TENM3: variants seen among roughly 807,000 people sequenced by gnomAD.
TENM3 encodes teneurin-3.
TENM3 carries 63 observed loss-of-function variants against 255.1 expected under a neutral mutation model. That is an observed-to-expected ratio of 0.25 (90% CI 0.20 to 0.30). The LOEUF (loss-of-function observed/expected upper bound fraction) is 0.30, where lower values mean the gene tolerates loss of function less well. TENM3 is among the 10% of genes least tolerant of loss of function. The probability of loss-of-function intolerance (pLI) is 1.00; values close to 1 mark genes in which losing one functional copy is unlikely to be tolerated. For synonymous variants in TENM3, 1,306 were observed against 1,322.3 expected (o/e 0.99, Z 0.27); for missense variants, 2,929 against 3,461.1 (o/e 0.85, Z 3.86).
At chr4:182,312,665 G>A (rs572218294) in intron 1 of TENM3, among the ~76,000 whole-genome samples, 11 of 152,334 alleles carry the variant, frequency 7.2e-5, no homozygotes, top group African/African-American at 1.7e-4. Flanking sequence ...ATGCCGAAGC[G>A]CAGGTGAAAA....
At chr4:182,652,860 C>T (rs1023320497) in intron 5 of TENM3, among the ~76,000 whole-genome samples, 4 of 152,102 alleles carry the variant, frequency 2.6e-5, no homozygotes, top group Non-Finnish European at 5.9e-5. Flanking sequence ...TTTAACCTTC[C>T]TTAGGGGTTA....
At position 182,229,606 on chromosome 4, in the gene TENM3, GTGTGTATATATA is replaced by G. The variant is rs997283282; in HGVS notation, c.-76+84866_-76+84877del. The stretch of plus-strand genomic sequence containing the variant: ...CCTTAGACTGTGTGTGCGTGTGTAT[GTGTGTATATATA>G]TGTGTATATATATATATACACACAC... On this transcript the variant is annotated intron_variant, in intron 1 of 2. Coordinates refer to the TENM3 transcript ENST00000512480. 3.5e-5 allele frequency among the ~76,000 whole-genome samples: 5 copies of G among 143,178 alleles called. No individual in the cohort carries two copies. In the South Asian group the frequency reaches 1.0e-3, roughly 30 times the overall value. The allele number at this position is 143,178 out of a possible 152,430, so 93.9% of individuals were successfully genotyped here.
chr4:181,703,602 C>T, the TENM3 span, among the ~76,000 whole-genome samples: 4 of 152,140 alleles, frequency 2.6e-5, no homozygotes, highest in Non-Finnish European at 5.9e-5. Flanking sequence ...TTCCTGCTCC[C>T]CAAAGCAGAG....
At chr4:182,736,667 G>A (rs887165601) in intron 16 of TENM3, 141 bp from the exon 17 acceptor site, 4 of 784,504 alleles carry the variant, frequency 5.1e-6, no homozygotes, top group African/African-American at 3.5e-5. Flanking sequence ...GCTAAAATAA[G>A]CACATTGTCT....
chr4:181,896,614 A>C, the TENM3 span, among the ~76,000 whole-genome samples: 199 of 152,340 alleles, frequency 1.3e-3, 1 homozygote, highest in African/African-American at 4.5e-3. Context: ...AAATGCACAC[A>C]CATGAGAAAT....
At chr4:181,496,970 G>T in the TENM3 span, among the ~76,000 whole-genome samples, 460 of 151,274 alleles carry the variant, frequency 3.0e-3, 2 homozygotes, top group African/African-American at 0.011. Context: ...TCATATTTTA[G>T]ATTCCAATTA....
chr4:181,751,829 TG>T, the TENM3 span, among the ~76,000 whole-genome samples: 3 of 152,296 alleles, frequency 2.0e-5, 1 homozygote, highest in Non-Finnish European at 4.4e-5. Flanking sequence ...TGAGAATTTT[TG>T]TCATGATCTT....
intron 2 of TENM3, among the ~76,000 whole-genome samples, chr4:182,339,567 C>T (rs1048608935): frequency 2.6e-5 from 4 of 152,186 alleles, no homozygotes; most frequent in Admixed American, 6.5e-5. Flanking sequence ...CAGCCCTCCT[C>T]AGGACGCAGT....
At chr4:181,605,474 GAA>G in the TENM3 span, among the ~76,000 whole-genome samples, 124 of 95,800 alleles carry the variant, frequency 1.3e-3, 2 homozygotes, top group African/African-American at 4.5e-3. Flanking sequence ...GAGAGAGAGA[GAA>G]ACAGAGAAAG....
At chr4:182,321,235 A>G (rs72698080) in intron 1 of TENM3, among the ~76,000 whole-genome samples, 21,806 of 152,120 alleles carry the variant, frequency 0.14, 1,842 homozygotes, top group Middle Eastern at 0.19. Context: ...GACTAAATGT[A>G]TGCCCCATAA....
At chr4:181,537,148 C>G in the TENM3 span, among the ~76,000 whole-genome samples, 1 of 151,922 alleles carries the variant, frequency 6.6e-6, no homozygotes, top group Non-Finnish European at 1.5e-5. Context: ...TGACCTTTTC[C>G]GAAATACTGA....
chr4:182,318,796 C>T (rs188408070), intron 1 of TENM3, among the ~76,000 whole-genome samples: 4 of 152,276 alleles, frequency 2.6e-5, no homozygotes, highest in East Asian at 1.9e-4. Context: ...GAGACAGAGT[C>T]GCACTCTGTT....
At chr4:182,739,967 C>G (rs1164091312) in intron 18 of TENM3, among the ~76,000 whole-genome samples, 1 of 152,146 alleles carries the variant, frequency 6.6e-6, no homozygotes, top group African/African-American at 2.4e-5. Context: ...ACCCAGGAGG[C>G]AGAGGTTCCA....
chr4:182,019,004 C>T, the TENM3 span, among the ~76,000 whole-genome samples: 2 of 152,158 alleles, frequency 1.3e-5, no homozygotes, highest in Non-Finnish European at 2.9e-5. Flanking sequence ...CAAGACAAGT[C>T]GAAGTTGTAT....
the TENM3 span, among the ~76,000 whole-genome samples, chr4:181,547,319 G>A: frequency 6.6e-6 from 1 of 152,052 alleles, no homozygotes; most frequent in Non-Finnish European, 1.5e-5. Flanking sequence ...AGACAAAGTT[G>A]AAGAAATCTC....
At chr4:182,236,496 G>A (rs1164695488) in intron 1 of TENM3, among the ~76,000 whole-genome samples, 1 of 152,164 alleles carries the variant, frequency 6.6e-6, no homozygotes, top group Non-Finnish European at 1.5e-5. Flanking sequence ...TTCATGATAT[G>A]CTCATCCCTG....
chr4:182,160,586 T>G (rs1751071691), intron 1 of TENM3, among the ~76,000 whole-genome samples: 1 of 152,216 alleles, frequency 6.6e-6, no homozygotes, highest in African/African-American at 2.4e-5. Context: ...AAATGTATCA[T>G]GCAGAGAGAC....
At chr4:182,627,752 A>C (rs1356759881) in intron 4 of TENM3, among the ~76,000 whole-genome samples, 5 of 152,200 alleles carry the variant, frequency 3.3e-5, no homozygotes, top group African/African-American at 9.7e-5. Context: ...TTCTGTTGTT[A>C]ATAGGAATAT....
chr4:182,046,384 G>A, the TENM3 span, among the ~76,000 whole-genome samples: 2 of 151,790 alleles, frequency 1.3e-5, no homozygotes, highest in Admixed American at 6.6e-5. Context: ...AATCTACTAA[G>A]GTATCTGTAA....
Sources: gnomAD v4.1 joint callset for allele counts (sites outside exome capture counted in the v4.1 genomes callset) on GRCh38, gnomAD v4.1.1 for gene constraint, MANE v1.5 for transcripts, NCBI Gene and HGNC (gene_info 2026-07-23, HGNC 2026-07-21) for gene names.